The following MAP3K3 variants were observed in gnomAD, a reference collection of about 807,000 sequenced individuals.
MAP3K3 encodes MAP/ERK kinase kinase 3.
Under a neutral mutation model 80.9 loss-of-function variants are expected in MAP3K3, and 12 were observed. The ratio of observed to expected loss-of-function variants is 0.15; its 90% confidence interval spans 0.10 to 0.24. MAP3K3 has a LOEUF of 0.24. MAP3K3 is among the 10% of genes least tolerant of loss of function. The probability of loss-of-function intolerance (pLI) is 1.00; values close to 1 mark genes in which losing one functional copy is unlikely to be tolerated. For synonymous variants in MAP3K3, 272 were observed against 307.1 expected, an observed-to-expected ratio of 0.89 and a Z score of 1.19; for missense variants, 596 against 834.7, an observed-to-expected ratio of 0.71 and a Z score of 3.52.
intron 4 of MAP3K3, among the ~76,000 whole-genome samples, chr17:63,654,584 C>T (rs1274239336): frequency 6.6e-6 from 1 of 152,078 alleles, no homozygotes; most frequent in East Asian, 1.9e-4. Flanking sequence ...TATACCTAGG[C>T]GTGGAATTGC....
intron 5 of MAP3K3, among the ~76,000 whole-genome samples, chr17:63,661,239 GT>G (rs1376106910): frequency 6.6e-6 from 1 of 152,120 alleles, no homozygotes; most frequent in Non-Finnish European, 1.5e-5. Context: ...TAGAGATGGG[GT>G]TTCGCACTGT....
In MAP3K3 at chr17:63,689,537, C is replaced by G. The variant is rs1247787123; in HGVS notation, c.872-7C>G. 3 of 1,610,502 alleles carry G rather than the reference C, an allele frequency of 1.9e-6. No homozygotes were observed. Among genetic ancestry groups the G allele is most frequent in the Non-Finnish European group, 1.7e-6 (2 of 1,178,236 alleles). On this transcript the variant is annotated splice_polypyrimidine_tract_variant and splice_region_variant and intron_variant, in intron 10 of 15. Coordinates refer to ENST00000361733, the MANE Select transcript of MAP3K3 (RefSeq NM_002401.5). This position sits in a 1 kb window ranked among gnomAD's most constrained non-coding sequence, Gnocchi z 4.3. ...CTTGCTCTCCTCTGGCCCTTGCACCCTTTCAGGCAGAAGAACATTTCCCCG... is the reference window on the plus strand; with the variant it reads ...CTTGCTCTCCTCTGGCCCTTGCACCGTTTCAGGCAGAAGAACATTTCCCCG...
chr17:63,688,365 T>G, intron 8 of MAP3K3, 162 bp from the exon 9 acceptor site: 1 of 648,748 alleles, frequency 1.5e-6, no homozygotes, highest in Non-Finnish European at 2.8e-6. Flanking sequence ...GAAGGGAGGG[T>G]GGAGAAAGCA....
Position 63,692,215 on chromosome 17 carries a change from T to A in MAP3K3, c.1475-27T>A, listed in dbSNP as rs1568157515. ...GAGAAAATGCAAGAGGGTCCAGGGT[T>A]GCAGCCTCTGCCCTTTCATGCCTCA... is the stretch of plus-strand genomic sequence containing the variant. On this transcript the variant is annotated intron_variant, in intron 14 of 15. Coordinates refer to ENST00000361733, the MANE Select transcript of MAP3K3 (RefSeq NM_002401.5). The surrounding 1 kb of genome is among the most constrained non-coding windows in gnomAD (Gnocchi z 4.5). The A allele has an allele frequency of 6.2e-7, 1 of 1,613,152 alleles. No homozygotes were observed. Among genetic ancestry groups the A allele is most frequent in the South Asian group, 1.1e-5 (1 of 91,070 alleles).
rs761284169 is a variant in MAP3K3, at chr17:63,691,064, G to A, written c.1213-38G>A. ...CTGAACCCAGGCGGGCAGAACTAGGGCCCTGAGAGCTGAGGCGACCACTGA... is the reference window on the plus strand; with the variant it reads ...CTGAACCCAGGCGGGCAGAACTAGGACCCTGAGAGCTGAGGCGACCACTGA... On this transcript the variant is annotated intron_variant, in intron 12 of 15. Transcript: ENST00000361733. This position sits in a 1 kb window ranked among gnomAD's most constrained non-coding sequence, Gnocchi z 4.8. 1.2e-6 allele frequency: 2 copies of A among 1,612,080 alleles called. No individual in the cohort carries two copies. Among genetic ancestry groups the A allele is most frequent in the Non-Finnish European group, 1.7e-6 (2 of 1,179,192 alleles).
chr17:63,693,835 T>C lies in MAP3K3; in HGVS notation c.*58T>C, dbSNP rs908719502. The C allele has an allele frequency of 6.9e-7, 1 of 1,454,468 alleles. No individual in the cohort carries two copies. The highest frequency in any genetic ancestry group is 1.4e-5 in the African/African-American group (1 of 69,918). The allele number at this position is 1,454,468 out of a possible 1,614,324, so 90.1% of individuals were successfully genotyped here. ...TTGCTGCATGGCAGGGGGCTGCTGC[T>C]GGGCTCAGTGAAGTTGCTGCTTCTC... On this transcript the variant is annotated 3_prime_UTR_variant, in exon 16 of 16. Coordinates refer to ENST00000361733, the MANE Select transcript of MAP3K3 (RefSeq NM_002401.5). The surrounding 1 kb of genome is among the most constrained non-coding windows in gnomAD (Gnocchi z 4.2).
chr17:63,626,253 A>G (rs898492012), intron 1 of MAP3K3, among the ~76,000 whole-genome samples: 1 of 152,202 alleles, frequency 6.6e-6, no homozygotes. Context: ...TGTGCCAGGC[A>G]TAGTATTAAG....
intron 6 of MAP3K3, among the ~76,000 whole-genome samples, chr17:63,672,126 T>C (rs1402903469): frequency 1.3e-5 from 2 of 151,324 alleles, no homozygotes; most frequent in African/African-American, 4.9e-5. Flanking sequence ...CTATGAAAAA[T>C]ACAAAAATTA....
intron 2 of MAP3K3, among the ~76,000 whole-genome samples, chr17:63,642,505 A>G (rs2034462505): frequency 6.6e-6 from 1 of 151,978 alleles, no homozygotes. Flanking sequence ...TAAAAATACA[A>G]AAATCATTCA....
chr17:63,678,416 C>T (rs1161541882), intron 6 of MAP3K3, among the ~76,000 whole-genome samples: 4 of 152,160 alleles, frequency 2.6e-5, no homozygotes, highest in African/African-American at 9.7e-5. Context: ...GCTCAGATAC[C>T]ACTTTATCTC....
chr17:63,686,563 G>A (rs1282811083), intron 8 of MAP3K3, among the ~76,000 whole-genome samples: 3 of 152,228 alleles, frequency 2.0e-5, no homozygotes, highest in African/African-American at 4.8e-5. Flanking sequence ...GGAAAGGGGA[G>A]AGAAGAGGAC....
rs751469833 is a variant in MAP3K3, at chr17:63,691,944, A to G, written c.1474+82A>G. 2.3e-5 allele frequency: 34 copies of G among 1,462,396 alleles called. No homozygotes were observed. Among genetic ancestry groups the G allele is most frequent in the Non-Finnish European group, 2.9e-5 (31 of 1,066,550 alleles). 90.6% of individuals were successfully genotyped at this position (1,462,396 alleles called of 1,614,324 possible). A position where few individuals can be genotyped will look rare whatever the true frequency, so the allele number is the denominator to read the frequency against. On this transcript the variant is annotated intron_variant, in intron 14 of 15. Transcript: ENST00000361733. This position sits in a 1 kb window ranked among gnomAD's most constrained non-coding sequence, Gnocchi z 4.8. ...AGTGCCTGCAGGGGCCAATCACTTA[A>G]CCATTCTGAACTTTCTGAAAAGTGG...
chr17:63,663,115 C>A (rs1470802545), intron 5 of MAP3K3, among the ~76,000 whole-genome samples: 1 of 152,138 alleles, frequency 6.6e-6, no homozygotes, highest in African/African-American at 2.4e-5. Context: ...TCATTCTGTT[C>A]CCTGCAGCTT....
At chr17:63,672,299 AAAGG>A (rs1254147788) in intron 6 of MAP3K3, among the ~76,000 whole-genome samples, 3 of 151,934 alleles carry the variant, frequency 2.0e-5, no homozygotes, top group Admixed American at 6.6e-5. Flanking sequence ...AAAAAAAAAA[AAAGG>A]AAGGAAGAAA....
At chr17:63,636,709 C>T (rs2034331330) in intron 2 of MAP3K3, 2 of 274,520 alleles carry the variant, frequency 7.3e-6, no homozygotes, top group Non-Finnish European at 1.5e-5. Flanking sequence ...GGCAGCCACA[C>T]TAGCAGAGGG....
chr17:63,659,147 C>T (rs2034833345), intron 5 of MAP3K3, among the ~76,000 whole-genome samples: 1 of 152,154 alleles, frequency 6.6e-6, no homozygotes, highest in Admixed American at 6.5e-5. Context: ...GCTGGGATTA[C>T]AAGTGTGAGC....
At chr17:63,631,004 G>A (rs1221647641) in intron 1 of MAP3K3, among the ~76,000 whole-genome samples, 1 of 151,968 alleles carries the variant, frequency 6.6e-6, no homozygotes, top group Admixed American at 6.6e-5. Flanking sequence ...ATAAGGTGAG[G>A]GGCCAGGCAC....
At chr17:63,669,024 A>G (rs1444633364) in intron 6 of MAP3K3, among the ~76,000 whole-genome samples, 1 of 152,230 alleles carries the variant, frequency 6.6e-6, no homozygotes, top group Non-Finnish European at 1.5e-5. Context: ...CCTGCCAGGC[A>G]TGATCACAAA....
chr17:63,655,792 G>T (rs573453859), intron 4 of MAP3K3, among the ~76,000 whole-genome samples: 30 of 151,938 alleles, frequency 2.0e-4, no homozygotes, highest in African/African-American at 6.8e-4. Flanking sequence ...AGCCTACTTG[G>T]TTTTTTTTAT....
Sources: allele counts gnomAD v4.1 joint callset (sites outside exome capture counted in the v4.1 genomes callset), GRCh38; gene constraint gnomAD v4.1.1; non-coding constraint Gnocchi (gnomAD v3.1); transcripts MANE v1.5; gene names NCBI Gene and HGNC (gene_info 2026-07-23, HGNC 2026-07-21).